Variants in VLDLR observed in about 807,000 individuals in gnomAD.
VLDLR encodes very low density lipoprotein receptor, also known as very low-density lipoprotein receptor.
VLDLR carries 81 observed loss-of-function variants against 112.7 expected under a neutral mutation model. That is an observed-to-expected ratio of 0.72 (90% CI 0.60 to 0.86). The LOEUF is 0.86. Ranked by LOEUF, VLDLR falls within the 40% of genes least tolerant of loss-of-function variation. The pLI is 0.00. For missense variants in VLDLR, 1,237 were observed against 1,099.4 expected (o/e 1.13, Z -1.77); for synonymous variants, 436 against 384.8 (o/e 1.13, Z -1.56).
rs1817755221 is a variant in VLDLR, at chr9:2,639,931, A to T, written c.275A>T (p.Asp92Val). ...GQCVPSRWKC[D>V]GDPDCEDGSD... ...TGTGTTCCCAGCCGATGGAAGTGTG[A>T]TGGAGATCCTGACTGCGAAGATGGT... Residue 92 changes from aspartate to valine, a missense_variant, in exon 3 of 19, where the codon GAT becomes GTT. Physicochemically the swap from Asp to Val is radical, Grantham distance 152. Transcript: ENST00000382100. 2 of 1,614,102 alleles carry T rather than the reference A, an allele frequency of 1.2e-6. No individual in the cohort carries two copies. Among genetic ancestry groups the T allele is most frequent in the African/African-American group, 2.7e-5 (2 of 74,928 alleles).
chr9:2,629,431 T>C (rs1357969323), intron 1 of VLDLR, among the ~76,000 whole-genome samples: 1 of 152,204 alleles, frequency 6.6e-6, no homozygotes, highest in Non-Finnish European at 1.5e-5. Context: ...AGTTGATGCT[T>C]AGTAACACAG....
At chr9:2,644,450 T>A (rs938325724) in intron 7 of VLDLR, among the ~76,000 whole-genome samples, 1 of 151,378 alleles carries the variant, frequency 6.6e-6, no homozygotes, top group African/African-American at 2.4e-5. Flanking sequence ...ATTACAGGCA[T>A]GAGCCACCGC....
chr9:2,631,927 A>C (rs1179045936), intron 1 of VLDLR, among the ~76,000 whole-genome samples: 1 of 152,058 alleles, frequency 6.6e-6, no homozygotes, highest in East Asian at 1.9e-4. Flanking sequence ...TAGCAAAGTT[A>C]ACTACTTAGA....
chr9:2,647,383 T>A, intron 11 of VLDLR, 91 bp from the exon 12 acceptor site: 2 of 1,070,822 alleles, frequency 1.9e-6, no homozygotes, highest in Non-Finnish European at 2.9e-6. Flanking sequence ...GCCTTGAGTT[T>A]TCTGCTCAAA....
intron 1 of VLDLR, among the ~76,000 whole-genome samples, chr9:2,627,780 G>T (rs546571085): frequency 6.7e-4 from 101 of 151,322 alleles, no homozygotes; most frequent in Middle Eastern, 3.4e-3. Context: ...CAGGAGAATC[G>T]CTTGAACCCG....
chr9:2,659,755 T>G lies in VLDLR; in HGVS notation c.*5887T>G, dbSNP rs1818732943. On this transcript the variant is annotated 3_prime_UTR_variant, in exon 19 of 19. Transcript: ENST00000382100. ...AGTATTCTGGAATATACCAGATTGG[T>G]AGAACTACCAGACTTGGGTATTTCT... is the stretch of plus-strand genomic sequence containing the variant. The G allele has an allele frequency of 6.6e-6, 1 of 152,248 alleles. No individual in the cohort carries two copies. Among genetic ancestry groups the G allele is most frequent in the African/African-American group, 2.4e-5 (1 of 41,466 alleles). The allele number at this position is 152,248 out of a possible 1,614,324, so 9.4% of individuals were successfully genotyped here.
rs1258902785 is a variant in VLDLR, at chr9:2,654,997, A to G, written c.*1129A>G. ...TCAGTGTGGTCCTGAGAACAGAAGCATCTGCATCACCTGGGAATGTATTAG... is the reference window on the plus strand; with the variant it reads ...TCAGTGTGGTCCTGAGAACAGAAGCGTCTGCATCACCTGGGAATGTATTAG... On this transcript the variant is annotated 3_prime_UTR_variant, in exon 19 of 19. Transcript: ENST00000382100. The G allele has an allele frequency of 6.6e-6, 1 of 152,212 alleles. No homozygotes were observed. Among genetic ancestry groups the G allele is most frequent in the Non-Finnish European group, 1.5e-5 (1 of 68,054 alleles). 9.4% of individuals were successfully genotyped at this position (152,212 alleles called of 1,614,324 possible). A position where few individuals can be genotyped will look rare whatever the true frequency, so the allele number is the denominator to read the frequency against.
At chr9:2,626,626 G>A (rs1196807815) in intron 1 of VLDLR, among the ~76,000 whole-genome samples, 1 of 152,212 alleles carries the variant, frequency 6.6e-6, no homozygotes, top group Non-Finnish European at 1.5e-5. Flanking sequence ...CTACTTTGTA[G>A]TTTAGAGATG....
In VLDLR at chr9:2,658,416, G is replaced by C. The variant is rs916282824; in HGVS notation, c.*4548G>C. On this transcript the variant is annotated 3_prime_UTR_variant, in exon 19 of 19. Coordinates refer to ENST00000382100, the MANE Select transcript of VLDLR (RefSeq NM_003383.5). ...TCTCAATGCAAAAACACTGAGACAG[G>C]AGTGAGACCAGCTGCGGGTGGGGAG... 7 of 152,210 alleles carry C rather than the reference G, an allele frequency of 4.6e-5. No homozygotes were observed. The highest frequency in any genetic ancestry group is 1.0e-4 in the Non-Finnish European group (7 of 68,038). The allele number at this position is 152,210 out of a possible 1,614,324, so 9.4% of individuals were successfully genotyped here. A position where few individuals can be genotyped will look rare whatever the true frequency, so the allele number is the denominator to read the frequency against.
intron 1 of VLDLR, among the ~76,000 whole-genome samples, chr9:2,633,041 AGAGAGAGAGAGT>A (rs1416493044): frequency 3.0e-5 from 3 of 99,118 alleles, no homozygotes; most frequent in Admixed American, 1.1e-4. Context: ...GGAGAGAGAG[AGAGAGAGAGAGT>A]GTGTGTGTGT....
intron 7 of VLDLR, among the ~76,000 whole-genome samples, chr9:2,644,464 C>T (rs763307806): frequency 6.6e-5 from 10 of 151,742 alleles, no homozygotes; most frequent in African/African-American, 1.5e-4. Context: ...CCACCGCGCC[C>T]GGCCCAAACT....
At position 2,652,886 on chromosome 9, in the gene VLDLR, T is replaced by A. The variant is rs748255076; in HGVS notation, c.2523T>A (p.Thr841=). 2 of 1,614,124 alleles carry A rather than the reference T, an allele frequency of 1.2e-6. No individual in the cohort carries two copies. The highest frequency in any genetic ancestry group is 1.7e-6 in the Non-Finnish European group (2 of 1,180,002). ...NFDNPVYLKT[T]EEDLSIDIGR... ...ACAATCCTGTGTACTTGAAAACCAC[T>A]GAAGAGGACCTCTCCATAGACATTG... Residue 841 remains threonine (T), a synonymous_variant, in exon 18 of 19, where the codon ACT becomes ACA. Coordinates refer to ENST00000382100, the MANE Select transcript of VLDLR (RefSeq NM_003383.5).
chr9:2,628,192 G>C (rs367981910), intron 1 of VLDLR, among the ~76,000 whole-genome samples: 16 of 152,248 alleles, frequency 1.1e-4, no homozygotes, highest in African/African-American at 3.9e-4. Context: ...TGTGTCTAAA[G>C]GTGAAAAATG....
rs757725812 is a variant in VLDLR at position 2,651,922 on chromosome 9, G to A, written c.2384G>A (p.Gly795Glu). 29 of 1,613,894 alleles carry A rather than the reference G, an allele frequency of 1.8e-5. No individual in the cohort carries two copies. In the Admixed American group the frequency reaches 4.0e-4, roughly 22 times the overall value. The change falls in exon 17 of 19, where the codon GGG becomes GAG. Residue 795 changes from glycine (G) to glutamate (E), a missense_variant. By Grantham distance (98) the Gly-to-Glu change is moderately conservative. Coordinates refer to ENST00000382100, the MANE Select transcript of VLDLR (RefSeq NM_003383.5). ...TCAGAGGTCAGTGTTCCCCCAAAAG[G>A]GACTTCTGCCGCATGGGCCATTCTT... ...AVSEVSVPPKGTSAAWAILPL... is the reference protein window; with the variant it reads ...AVSEVSVPPKETSAAWAILPL...
chr9:2,630,965 C>T (rs1817325235), intron 1 of VLDLR, among the ~76,000 whole-genome samples: 1 of 151,870 alleles, frequency 6.6e-6, no homozygotes, highest in Non-Finnish European at 1.5e-5. Context: ...CAAACTCAAA[C>T]AATGGGGAAA....
At chr9:2,646,210 A>T (rs908882369) in intron 10 of VLDLR, 124 bp from the exon 11 acceptor site, 1 of 837,552 alleles carries the variant, frequency 1.2e-6, no homozygotes, top group Non-Finnish European at 2.0e-6. Context: ...TTGAGTGGTG[A>T]GCTGTGGTGT....
intron 6 of VLDLR, 26 bp downstream of exon 6, chr9:2,643,776 G>A: frequency 1.9e-6 from 3 of 1,614,210 alleles, no homozygotes; most frequent in Non-Finnish European, 2.5e-6. Context: ...TGTTGGTTAA[G>A]CAATGGATTG....
intron 9 of VLDLR, 49 bp downstream of exon 9, chr9:2,645,131 C>T: frequency 6.2e-7 from 1 of 1,612,964 alleles, no homozygotes; most frequent in Non-Finnish European, 8.5e-7. Context: ...TGAGTAAGTG[C>T]CTCTAAAAGG....
At position 2,622,298 on chromosome 9, in the gene VLDLR, G is replaced by T. The variant is rs1300013837; in HGVS notation, c.82+27G>T. 3 of 1,454,016 alleles carry T rather than the reference G, an allele frequency of 2.1e-6. No individual in the cohort carries two copies. The South Asian group carries it at 4.1e-5, about 20-fold the overall frequency. 90.1% of individuals were successfully genotyped at this position (1,454,016 alleles called of 1,614,324 possible). A position where few individuals can be genotyped will look rare whatever the true frequency, so the allele number is the denominator to read the frequency against. ...TGAGTGAGGACGCGCCCCTCCGCCGGCGGGCGGGACCCAGCCGGGGCACCG... is the reference window on the plus strand; with the variant it reads ...TGAGTGAGGACGCGCCCCTCCGCCGTCGGGCGGGACCCAGCCGGGGCACCG... On this transcript the variant is annotated intron_variant, in intron 1 of 18. Coordinates refer to ENST00000382100, the MANE Select transcript of VLDLR (RefSeq NM_003383.5).
Sources: allele counts gnomAD v4.1 joint callset (sites outside exome capture counted in the v4.1 genomes callset), GRCh38; gene constraint gnomAD v4.1.1; transcripts MANE v1.5; gene names NCBI Gene and HGNC (gene_info 2026-07-23, HGNC 2026-07-21).